Variants in TACR3 observed in about 807,000 individuals in gnomAD.
The protein encoded by TACR3 is tachykinin receptor 3, also known as neuromedin-K receptor.
TACR3 carries 34 observed loss-of-function variants against 35.0 expected under a neutral mutation model. The observed-to-expected ratio is 0.97, with a 90% CI of 0.74 to 1.30. The LOEUF is 1.30. Among genes scored for constraint, TACR3 ranks in the 50% most tolerant of loss-of-function variants. The probability of loss-of-function intolerance (pLI) is 0.00; values close to 1 mark genes in which losing one functional copy is unlikely to be tolerated. For missense variants in TACR3, 558 were observed against 591.7 expected, an observed-to-expected ratio of 0.94 and a Z score of 0.59; for synonymous variants, 233 against 221.1, an observed-to-expected ratio of 1.05 and a Z score of -0.48.
chr4:103,639,352 A>G (rs1165275755), intron 3 of TACR3, among the ~76,000 whole-genome samples: 1 of 152,140 alleles, frequency 6.6e-6, no homozygotes, highest in Non-Finnish European at 1.5e-5. Flanking sequence ...CAAAAAACCA[A>G]ACACTGCATG....
Position 103,662,954 on chromosome 4 carries a change from C to T in TACR3, c.549-4551G>A, listed in dbSNP as rs188791770. Among the ~76,000 whole-genome samples, 533 of 152,234 alleles carry T rather than the reference C, an allele frequency of 3.5e-3. 17 individuals are homozygous for T. Among genetic ancestry groups the T allele is most frequent in the Admixed American group, 0.033 (506 of 15,292 alleles). ...AATATGTGGTACATTGTTACAGCAG[C>T]CCTAACAAACTAAGACAGTGGGTAC... On this transcript the variant is annotated intron_variant, in intron 1 of 4. Coordinates refer to ENST00000304883, the MANE Select transcript of TACR3 (RefSeq NM_001059.3).
At chr4:103,668,030 C>T (rs1244789609) in intron 1 of TACR3, among the ~76,000 whole-genome samples, 1 of 152,070 alleles carries the variant, frequency 6.6e-6, no homozygotes, top group Non-Finnish European at 1.5e-5. Context: ...TGGGATCTCA[C>T]CATGTTGTCC....
intron 3 of TACR3, among the ~76,000 whole-genome samples, chr4:103,639,204 C>G (rs893092311): frequency 3.9e-5 from 6 of 151,934 alleles, no homozygotes; most frequent in Admixed American, 2.0e-4. Context: ...TGTCCAACAA[C>G]GATAGACTGG....
At chr4:103,621,610 C>A (rs1185714575) in intron 3 of TACR3, among the ~76,000 whole-genome samples, 1 of 151,992 alleles carries the variant, frequency 6.6e-6, no homozygotes, top group Admixed American at 6.6e-5. Flanking sequence ...ATTTGAAGGT[C>A]CTTGTCATTC....
At chr4:103,715,177 A>T (rs1723061579) in intron 1 of TACR3, among the ~76,000 whole-genome samples, 1 of 152,150 alleles carries the variant, frequency 6.6e-6, no homozygotes, top group African/African-American at 2.4e-5. Flanking sequence ...TATGGTTTGG[A>T]TCTGTGTCTC....
intron 3 of TACR3, among the ~76,000 whole-genome samples, chr4:103,653,064 A>T (rs1725657167): frequency 6.6e-6 from 1 of 152,132 alleles, no homozygotes; most frequent in Non-Finnish European, 1.5e-5. Context: ...CTGTAAAAGA[A>T]ATCTAAGGAC....
chr4:103,710,243 C>T (rs1054400448), intron 1 of TACR3, among the ~76,000 whole-genome samples: 1 of 152,176 alleles, frequency 6.6e-6, no homozygotes, highest in Non-Finnish European at 1.5e-5. Flanking sequence ...CCAAAATTGA[C>T]CACACCGTTG....
chr4:103,587,439 T>C lies in TACR3; in HGVS notation c.*2243A>G, dbSNP rs1442883428. 1 of 152,056 alleles carries C rather than the reference T, an allele frequency of 6.6e-6. No homozygotes were observed. Among genetic ancestry groups the C allele is most frequent in the Non-Finnish European group, 1.5e-5 (1 of 67,980 alleles). The allele number at this position is 152,056 out of a possible 1,614,324, so 9.4% of individuals were successfully genotyped here. ...GTGCTCGGTAAGCAACACAACAATATGTATGTTCACAGAAGCCAAAGCAAA... is the reference window on the plus strand; with the variant it reads ...GTGCTCGGTAAGCAACACAACAATACGTATGTTCACAGAAGCCAAAGCAAA... On this transcript the variant is annotated 3_prime_UTR_variant, in exon 5 of 5. Coordinates refer to ENST00000304883, the MANE Select transcript of TACR3 (RefSeq NM_001059.3).
chr4:103,628,304 C>A (rs1167475165), intron 3 of TACR3, among the ~76,000 whole-genome samples: 1 of 151,372 alleles, frequency 6.6e-6, no homozygotes, highest in Non-Finnish European at 1.5e-5. Flanking sequence ...TCAGAGCAGA[C>A]CTGAAGGAGA....
rs1434385259 is a variant in TACR3 at position 103,613,531 on chromosome 4, A to G, written c.889-21848T>C. On this transcript the variant is annotated intron_variant, in intron 3 of 4. Coordinates refer to ENST00000304883, the MANE Select transcript of TACR3 (RefSeq NM_001059.3). ...ATTGGTGGAGACGGGGTTTCACTAT[A>G]TTGGCCAGGCTGGTCTTGATCTCCT... Among the ~76,000 whole-genome samples the G allele has an allele frequency of 2.7e-5, 4 of 150,418 alleles. No homozygotes were observed. The East Asian group carries it at 5.8e-4, about 22-fold the overall frequency.
At chr4:103,603,722 G>A (rs560807758) in intron 3 of TACR3, among the ~76,000 whole-genome samples, 3 of 152,198 alleles carry the variant, frequency 2.0e-5, no homozygotes, top group South Asian at 2.1e-4. Flanking sequence ...GGAATTTCTG[G>A]TTCTAGATCT....
intron 1 of TACR3, among the ~76,000 whole-genome samples, chr4:103,680,664 C>T (rs1722039657): frequency 6.6e-6 from 1 of 151,476 alleles, no homozygotes; most frequent in African/African-American, 2.4e-5. Flanking sequence ...GAATAGAAAT[C>T]TGTACAGAAG....
intron 3 of TACR3, among the ~76,000 whole-genome samples, chr4:103,646,892 A>G (rs1041272360): frequency 5.9e-5 from 9 of 151,992 alleles, no homozygotes; most frequent in Non-Finnish European, 1.3e-4. Flanking sequence ...AGATATCTAT[A>G]GTTTTCTTAC....
At chr4:103,675,599 G>A (rs1017646028) in intron 1 of TACR3, among the ~76,000 whole-genome samples, 1 of 152,154 alleles carries the variant, frequency 6.6e-6, no homozygotes, top group African/African-American at 2.4e-5. Context: ...GGTGTGAAGG[G>A]TGAAAGGATC....
At chr4:103,608,144 G>A (rs551090338) in intron 3 of TACR3, among the ~76,000 whole-genome samples, 67 of 152,126 alleles carry the variant, frequency 4.4e-4, no homozygotes, top group Admixed American at 7.9e-4. Flanking sequence ...AATAGCAAAG[G>A]CATGGGATTA....
rs746189040 is a variant in TACR3 at position 103,658,372 on chromosome 4, T to C, written c.580A>G (p.Arg194Gly). 4 of 1,613,900 alleles carry C rather than the reference T, an allele frequency of 2.5e-6. No individual in the cohort carries two copies. In the South Asian group the frequency reaches 3.3e-5, roughly 13 times the overall value. ...YMAIIDPLKP[R>G]LSATATKIVI... ...ATCTTGGTTGCTGTAGCAGACAGTC[T>C]GGGTTTCAAGGGATCAATAATAGCC... Residue 194 changes from arginine to glycine, a missense_variant, in exon 2 of 5, where the codon AGA becomes GGA. Physicochemically the swap from Arg to Gly is moderately radical, Grantham distance 125. Transcript: ENST00000304883.
At chr4:103,674,914 G>T (rs1162977557) in intron 1 of TACR3, among the ~76,000 whole-genome samples, 3 of 152,052 alleles carry the variant, frequency 2.0e-5, no homozygotes, top group Non-Finnish European at 4.4e-5. Context: ...ACCAATTATG[G>T]ACATTAAAAT....
chr4:103,598,906 CT>C (rs1221944463), intron 3 of TACR3, among the ~76,000 whole-genome samples: 1 of 151,938 alleles, frequency 6.6e-6, no homozygotes, highest in East Asian at 1.9e-4. Context: ...CAGCTTTGTT[CT>C]TTTGGCTTAG....
At chr4:103,638,620 C>T (rs564281701) in intron 3 of TACR3, among the ~76,000 whole-genome samples, 2 of 152,240 alleles carry the variant, frequency 1.3e-5, no homozygotes, top group South Asian at 4.1e-4. Context: ...AGCTTCTACA[C>T]AGCAAAAGAA....
Sources: allele counts gnomAD v4.1 joint callset (sites outside exome capture counted in the v4.1 genomes callset), GRCh38; gene constraint gnomAD v4.1.1; transcripts MANE v1.5; gene names NCBI Gene and HGNC (gene_info 2026-07-23, HGNC 2026-07-21).